PTPRT: variants seen among roughly 807,000 people sequenced by gnomAD.
PTPRT encodes the protein protein tyrosine phosphatase receptor type T.
Under a neutral mutation model 176.8 loss-of-function variants are expected in PTPRT, and 56 were observed. The ratio of observed to expected loss-of-function variants is 0.32; its 90% confidence interval spans 0.26 to 0.40. PTPRT has a LOEUF of 0.40. PTPRT is among the 10% of genes least tolerant of loss of function. PTPRT has a pLI of 1.00. For synonymous variants in PTPRT, 783 were observed against 739.0 expected (o/e 1.06, Z -0.96); for missense variants, 1,540 against 1,908.2 (o/e 0.81, Z 3.60).
intron 3 of PTPRT, among the ~76,000 whole-genome samples, chr20:42,789,398 C>T (rs2077340796): frequency 6.6e-6 from 1 of 152,188 alleles, no homozygotes; most frequent in Non-Finnish European, 1.5e-5. Context: ...CTAGCTTAGA[C>T]AGTGAAATCA....
At position 43,115,634 on chromosome 20, in the gene PTPRT, A is replaced by G. The variant is rs180923633; in HGVS notation, c.88+74012T>C. ...CCAGGAATGCTGCTAAACATCCCAC[A>G]GTACACAGAACAGCGCCCACAACAA... On this transcript the variant is annotated intron_variant, in intron 1 of 30. Transcript: ENST00000373187. Among the ~76,000 whole-genome samples, 13 of 152,310 alleles carry G rather than the reference A, an allele frequency of 8.5e-5. No homozygotes were observed. The East Asian group carries it at 2.3e-3, about 27-fold the overall frequency.
At chr20:42,477,803 G>A (rs1017018070) in intron 7 of PTPRT, among the ~76,000 whole-genome samples, 1 of 152,106 alleles carries the variant, frequency 6.6e-6, no homozygotes, top group African/African-American at 2.4e-5. Context: ...TCCTCTGATA[G>A]AAAATCAAAG....
chr20:43,090,368 T>C (rs371230255), intron 1 of PTPRT, among the ~76,000 whole-genome samples: 91 of 151,846 alleles, frequency 6.0e-4, no homozygotes, highest in South Asian at 2.9e-3. Context: ...CCCGGGTTCA[T>C]GCCATTCTCC....
chr20:43,021,352 C>T (rs1985672692), intron 1 of PTPRT, among the ~76,000 whole-genome samples: 3 of 152,166 alleles, frequency 2.0e-5, no homozygotes, highest in African/African-American at 7.2e-5. Flanking sequence ...GAGCCTGTCG[C>T]TATAAAAAGT....
intron 9 of PTPRT, among the ~76,000 whole-genome samples, chr20:42,385,249 A>G (rs1352674666): frequency 6.6e-6 from 1 of 152,176 alleles, no homozygotes; most frequent in Non-Finnish European, 1.5e-5. Flanking sequence ...AGTACATTAA[A>G]TCTTTAATCC....
intron 9 of PTPRT, among the ~76,000 whole-genome samples, chr20:42,387,415 G>A (rs558846339): frequency 1.6e-4 from 24 of 152,308 alleles, no homozygotes; most frequent in Middle Eastern, 3.4e-3. Context: ...TACAGGGTGT[G>A]AATTTTTGTT....
chr20:43,022,647 G>C (rs1371910450), intron 1 of PTPRT, among the ~76,000 whole-genome samples: 2 of 152,332 alleles, frequency 1.3e-5, no homozygotes, highest in South Asian at 2.1e-4. Context: ...AACAGGCAGA[G>C]AGGACCTGCA....
At chr20:42,306,416 TG>T (rs1289655368) in intron 12 of PTPRT, among the ~76,000 whole-genome samples, 2 of 152,056 alleles carry the variant, frequency 1.3e-5, no homozygotes, top group Non-Finnish European at 2.9e-5. Context: ...GGCAGATAAA[TG>T]GGGCATGGAA....
At chr20:42,873,772 C>A (rs908523257) in intron 2 of PTPRT, among the ~76,000 whole-genome samples, 1 of 152,144 alleles carries the variant, frequency 6.6e-6, no homozygotes, top group Non-Finnish European at 1.5e-5. Flanking sequence ...CGGCTAATGA[C>A]CACCAGATTA....
At chr20:42,780,156 G>C in intron 4 of PTPRT, 62 bp downstream of exon 4, 1 of 1,303,994 alleles carries the variant, frequency 7.7e-7, no homozygotes, top group Non-Finnish European at 1.1e-6. Flanking sequence ...AGGGATTGCA[G>C]GCTCTATGCT....
At chr20:42,600,963 G>T (rs1045650618) in intron 7 of PTPRT, among the ~76,000 whole-genome samples, 1 of 152,054 alleles carries the variant, frequency 6.6e-6, no homozygotes, top group Non-Finnish European at 1.5e-5. Flanking sequence ...AACAGGGTGG[G>T]TTTGGATCCC....
At chr20:43,050,855 A>G (rs955145602) in intron 1 of PTPRT, among the ~76,000 whole-genome samples, 1 of 152,206 alleles carries the variant, frequency 6.6e-6, no homozygotes, top group Admixed American at 6.5e-5. Flanking sequence ...ACAGGCCTCA[A>G]GCTTGACCAA....
At chr20:43,102,249 TCTC>T (rs2012417584) in intron 1 of PTPRT, among the ~76,000 whole-genome samples, 1 of 147,216 alleles carries the variant, frequency 6.8e-6, no homozygotes, top group African/African-American at 2.5e-5. Flanking sequence ...TCACTGGACA[TCTC>T]TCTCTCTCTC....
In PTPRT at chr20:43,041,758, C is replaced by T. The variant is rs1043102838; in HGVS notation, c.88+147888G>A. Among the ~76,000 whole-genome samples, 14 of 152,212 alleles carry T rather than the reference C, an allele frequency of 9.2e-5. 1 individual carries two copies. The highest frequency in any genetic ancestry group is 3.4e-4 in the African/African-American group (14 of 41,460). ...CAGTCCACAGGCCAAATATGGCCCA[C>T]TAGCTTTTTTTGTAAATAAAGTTTT... is the stretch of plus-strand genomic sequence containing the variant. On this transcript the variant is annotated intron_variant, in intron 1 of 30. Transcript: ENST00000373187.
intron 1 of PTPRT, among the ~76,000 whole-genome samples, chr20:42,962,515 T>A (rs1429128420): frequency 6.6e-6 from 1 of 151,846 alleles, no homozygotes; most frequent in African/African-American, 2.4e-5. Context: ...ACATCCTGAA[T>A]AACATTTTTC....
intron 7 of PTPRT, among the ~76,000 whole-genome samples, chr20:42,505,313 T>C (rs1001649356): frequency 4.6e-5 from 7 of 152,112 alleles, no homozygotes; most frequent in African/African-American, 1.7e-4. Flanking sequence ...ATTATTATTG[T>C]TATTTTGAGA....
At chr20:42,267,551 T>C (rs2056860257) in intron 13 of PTPRT, among the ~76,000 whole-genome samples, 1 of 152,230 alleles carries the variant, frequency 6.6e-6, no homozygotes, top group Non-Finnish European at 1.5e-5. Context: ...TGGAGGTTTA[T>C]AACAGAGGAT....
At chr20:42,856,565 C>T (rs887756177) in intron 2 of PTPRT, among the ~76,000 whole-genome samples, 26 of 152,112 alleles carry the variant, frequency 1.7e-4, no homozygotes, top group African/African-American at 6.0e-4. Flanking sequence ...TGTTCAAGAC[C>T]GGGAGTGTAT....
At chr20:43,141,294 G>A (rs969420382) in intron 1 of PTPRT, among the ~76,000 whole-genome samples, 6 of 152,120 alleles carry the variant, frequency 3.9e-5, no homozygotes, top group South Asian at 2.1e-4. Context: ...AGGCCCAGTC[G>A]GGCAGCTCTT....
Sources: allele counts gnomAD v4.1 joint callset (sites outside exome capture counted in the v4.1 genomes callset), GRCh38; gene constraint gnomAD v4.1.1; transcripts MANE v1.5; gene names NCBI Gene and HGNC (gene_info 2026-07-23, HGNC 2026-07-21).